KDELR2: variants seen among roughly 807,000 people sequenced by gnomAD.
KDELR2 encodes ER lumen protein-retaining receptor 2.
In KDELR2, 15 loss-of-function variants were observed where a neutral mutation model predicts 23.9. The observed-to-expected ratio is 0.63, with a 90% CI of 0.42 to 0.97. The LOEUF (loss-of-function observed/expected upper bound fraction) is 0.97, where lower values mean the gene tolerates loss of function less well. Among genes scored for constraint, KDELR2 ranks in the 50% least tolerant of loss-of-function variants. KDELR2 has a pLI of 0.00. For missense variants in KDELR2, 272 were observed against 254.6 expected (o/e 1.07, Z -0.46); for synonymous variants, 119 against 106.2 (o/e 1.12, Z -0.74).
intron 1 of KDELR2, chr7:6,482,583 G>A (rs577541386): frequency 4.2e-6 from 2 of 470,704 alleles, no homozygotes; most frequent in Admixed American, 2.4e-5. Context: ...AAGGAGACAG[G>A]CGAGGCCTGC....
intron 1 of KDELR2, among the ~76,000 whole-genome samples, chr7:6,478,224 C>T (rs1360878917): frequency 6.6e-6 from 1 of 151,870 alleles, no homozygotes; most frequent in Non-Finnish European, 1.5e-5. Context: ...GGCATGATCA[C>T]AGCTCGCTGC....
At chr7:6,475,423 C>T (rs143420075) in intron 1 of KDELR2, among the ~76,000 whole-genome samples, 1 of 152,156 alleles carries the variant, frequency 6.6e-6, no homozygotes, top group African/African-American at 2.4e-5. Flanking sequence ...AAGACCCTGT[C>T]TCAAAAAATA....
rs1785499999 is a variant in KDELR2 at position 6,466,217 on chromosome 7, A to C, written c.458T>G (p.Phe153Cys). The C allele has an allele frequency of 1.2e-6, 2 of 1,614,088 alleles. No homozygotes were observed. The highest frequency in any genetic ancestry group is 1.7e-6 in the Non-Finnish European group (2 of 1,180,038). Reference sequence around the variant, plus strand: ...CAAAGCACGATAGAGGCCCAGGAAGAACAGGTAGTGGGTGGTGATGGTCTC... The same window carrying C: ...CAAAGCACGATAGAGGCCCAGGAAGCACAGGTAGTGGGTGGTGATGGTCTC... ...EAETITTHYL[F>C]FLGLYRALYL... is the part of the protein sequence containing the mutation. Residue 153 changes from phenylalanine (F) to cysteine (C), a missense_variant, in exon 4 of 5, where the codon TTC (phenylalanine) becomes TGC (cysteine). By Grantham distance (205) the Phe-to-Cys change is radical (BLOSUM62 -2). Coordinates refer to ENST00000258739, the MANE Select transcript of KDELR2 (RefSeq NM_006854.4).
intron 2 of KDELR2, among the ~76,000 whole-genome samples, chr7:6,470,645 A>G (rs1381806160): frequency 2.6e-5 from 4 of 152,166 alleles, no homozygotes; most frequent in Non-Finnish European, 5.9e-5. Context: ...TGAGCCTGCT[A>G]TATTTGTTAT....
chr7:6,479,048 C>CA lies in KDELR2; in HGVS notation c.92-4765dup, dbSNP rs887906185. Among the ~76,000 whole-genome samples, 6 of 152,168 alleles carry CA rather than the reference C, an allele frequency of 3.9e-5. No homozygotes were observed. In the South Asian group the frequency reaches 1.0e-3, roughly 26 times the overall value. On this transcript the variant is annotated intron_variant, in intron 1 of 4. Transcript: ENST00000258739. ...AGGTGATCCACCTACCTCGGCCTCC[C>CA]AAAGTGCTGGAATTACAGGTGTAAG...
chr7:6,470,692 C>T (rs960053985), intron 2 of KDELR2, among the ~76,000 whole-genome samples: 2 of 152,102 alleles, frequency 1.3e-5, no homozygotes, highest in Admixed American at 6.6e-5. Flanking sequence ...AGGAGGTACT[C>T]CTTATAATTT....
At chr7:6,480,731 A>C (rs572123762) in intron 1 of KDELR2, among the ~76,000 whole-genome samples, 9 of 152,354 alleles carry the variant, frequency 5.9e-5, no homozygotes, top group Admixed American at 5.9e-4. Context: ...CGTTTCTCCT[A>C]TTCCAGTCAT....
intron 4 of KDELR2, among the ~76,000 whole-genome samples, chr7:6,463,813 C>A (rs1321144053): frequency 6.6e-6 from 1 of 150,978 alleles, no homozygotes; most frequent in Non-Finnish European, 1.5e-5. Context: ...ATACTTCCGG[C>A]ACTGTGGGAG....
At position 6,474,239 on chromosome 7, in the gene KDELR2, G is replaced by A; in HGVS notation, c.137C>T (p.Thr46Ile). 6.2e-7 allele frequency: 1 copy of A among 1,613,976 alleles called. No homozygotes were observed. The highest frequency in any genetic ancestry group is 2.2e-5 in the East Asian group (1 of 44,884). The change falls in exon 2 of 5, where the codon ACT becomes ATT. Residue 46 changes from threonine (T) to isoleucine (I), a missense_variant. Physicochemically the swap from Thr to Ile is moderately conservative, Grantham distance 89 (BLOSUM62 -1). Coordinates refer to ENST00000258739, the MANE Select transcript of KDELR2 (RefSeq NM_006854.4). ...TGAAGTAAAAAGATCCAGGTAACGA[G>A]TTGTGAAGACCAGTGCAAACAGAAG... ...SQLLFALVFT[T>I]RYLDLFTSFI...
Position 6,466,190 on chromosome 7 carries a change from T to G in KDELR2, c.485A>C (p.Tyr162Ser). 1.2e-6 allele frequency: 2 copies of G among 1,614,064 alleles called. No individual in the cohort carries two copies. The highest frequency in any genetic ancestry group is 8.5e-7 in the Non-Finnish European group (1 of 1,180,006). ...LFFLGLYRAL[Y>S]LVNWIWRFYF... Reference sequence around the variant, plus strand: ...GAAGCGCCAGATCCAGTTGACAAGATACAAAGCACGATAGAGGCCCAGGAA... The same window carrying G: ...GAAGCGCCAGATCCAGTTGACAAGAGACAAAGCACGATAGAGGCCCAGGAA... The change falls in exon 4 of 5, where the codon TAT (tyrosine) becomes TCT (serine). Residue 162 changes from tyrosine to serine, a missense_variant. By Grantham distance (144) the Tyr-to-Ser change is moderately radical (BLOSUM62 -2). Coordinates refer to ENST00000258739, the MANE Select transcript of KDELR2 (RefSeq NM_006854.4).
At position 6,478,892 on chromosome 7, in the gene KDELR2, A is replaced by T. The variant is rs7782950; in HGVS notation, c.92-4608T>A. On this transcript the variant is annotated intron_variant, in intron 1 of 4. Transcript: ENST00000258739. Reference sequence around the variant, plus strand: ...CAACCTCTGCCTCCTGGGTTCAAGCAATTCTCCTGCCTCAGCCTCCCTAGT... The same window carrying T: ...CAACCTCTGCCTCCTGGGTTCAAGCTATTCTCCTGCCTCAGCCTCCCTAGT... Among the ~76,000 whole-genome samples the T allele has an allele frequency of 3.1e-3, 471 of 152,078 alleles. 4 individuals carry two copies. The highest frequency in any genetic ancestry group is 0.01 in the African/African-American group (428 of 41,488).
intron 2 of KDELR2, among the ~76,000 whole-genome samples, chr7:6,473,506 T>A (rs1349853574): frequency 6.6e-6 from 1 of 152,218 alleles, no homozygotes; most frequent in Non-Finnish European, 1.5e-5. Context: ...GTGCAAACAT[T>A]TTGTATTTTA....
intron 2 of KDELR2, among the ~76,000 whole-genome samples, chr7:6,470,872 T>A (rs968866764): frequency 2.0e-5 from 3 of 152,064 alleles, no homozygotes; most frequent in Non-Finnish European, 4.4e-5. Flanking sequence ...CCTAGCACTC[T>A]GGGAGGCCGA....
chr7:6,474,803 A>T (rs754157043), intron 1 of KDELR2, among the ~76,000 whole-genome samples: 5 of 152,178 alleles, frequency 3.3e-5, no homozygotes, highest in Non-Finnish European at 5.9e-5. Flanking sequence ...AGGTGGGACT[A>T]GAGGTGTGAA....
chr7:6,478,230 G>T (rs77302099), intron 1 of KDELR2, among the ~76,000 whole-genome samples: 2 of 151,636 alleles, frequency 1.3e-5, no homozygotes, highest in Non-Finnish European at 2.9e-5. Context: ...ATCACAGCTC[G>T]CTGCAGCCTG....
At position 6,484,016 on chromosome 7, in the gene KDELR2, C is replaced by T. The variant is rs750768724; in HGVS notation, c.42G>A (p.Ala14=). The change falls in exon 1 of 5, where the codon GCG becomes GCA. Residue 14 remains alanine (A), a synonymous_variant. Transcript: ENST00000258739. ...TCTTCAGCAGCAGGATGACGATGGCCGCCAGGTGGGACAGGTCCCCAGTCA... is the reference window on the plus strand; with the variant it reads ...TCTTCAGCAGCAGGATGACGATGGCTGCCAGGTGGGACAGGTCCCCAGTCA... ...FRLTGDLSHL[A]AIVILLLKIW... is the part of the protein sequence containing the mutation. 2.0e-6 allele frequency: 3 copies of T among 1,528,788 alleles called. No homozygotes were observed. Among genetic ancestry groups the T allele is most frequent in the Non-Finnish European group, 2.6e-6 (3 of 1,135,500 alleles). 94.7% of individuals were successfully genotyped at this position (1,528,788 alleles called of 1,614,324 possible).
rs769181600 is a variant in KDELR2 at position 6,466,076 on chromosome 7, G to A, written c.599C>T (p.Thr200Ile). 6.2e-7 allele frequency: 1 copy of A among 1,613,990 alleles called. No homozygotes were observed. The highest frequency in any genetic ancestry group is 8.5e-7 in the Non-Finnish European group (1 of 1,179,958). Reference protein sequence around the residue: ...LYCDFFYLYITKVLKGKKLSL... With the variant: ...LYCDFFYLYIIKVLKGKKLSL... ...GCAGGTCGCACCCAACATACCTTTT[G>A]TAATGTACAAGTAGAAGAAGTCACA... The change falls in exon 4 of 5, where the codon ACA (threonine) becomes ATA (isoleucine). Residue 200 changes from threonine (T) to isoleucine (I), a missense_variant. Physicochemically the swap from Thr to Ile is moderately conservative, Grantham distance 89 (BLOSUM62 -1). Coordinates refer to ENST00000258739, the MANE Select transcript of KDELR2 (RefSeq NM_006854.4).
Position 6,462,968 on chromosome 7 carries a change from A to C in KDELR2, c.*173T>G. The C allele has an allele frequency of 1.2e-6, 2 of 1,612,704 alleles. No homozygotes were observed. Among genetic ancestry groups the C allele is most frequent in the Non-Finnish European group, 1.7e-6 (2 of 1,179,496 alleles). The stretch of plus-strand genomic sequence containing the variant: ...AAAAAAAGATAAGGCAAGATGCATT[A>C]AACAGAAACCTTCTGGCTCTTTTCC... On this transcript the variant is annotated 3_prime_UTR_variant, in exon 5 of 5. Coordinates refer to ENST00000258739, the MANE Select transcript of KDELR2 (RefSeq NM_006854.4).
At chr7:6,476,094 A>G (rs1427673246) in intron 1 of KDELR2, among the ~76,000 whole-genome samples, 2 of 152,160 alleles carry the variant, frequency 1.3e-5, no homozygotes, top group East Asian at 1.9e-4. Flanking sequence ...TTTGTATTAC[A>G]TGTTGTTTTT....
Sources: gnomAD v4.1 joint callset for allele counts (sites outside exome capture counted in the v4.1 genomes callset) on GRCh38, gnomAD v4.1.1 for gene constraint, MANE v1.5 for transcripts, NCBI Gene and HGNC (gene_info 2026-07-23, HGNC 2026-07-21) for gene names.